The following PSMB7 variants were observed in gnomAD, a reference collection of about 807,000 sequenced individuals.
The protein encoded by PSMB7 is proteasome subunit beta type-7.
Under a neutral mutation model 28.1 loss-of-function variants are expected in PSMB7, and 5 were observed. The observed-to-expected ratio is 0.18, with a 90% confidence interval of 0.09 to 0.37. The LOEUF (loss-of-function observed/expected upper bound fraction) is 0.37, where lower values mean the gene tolerates loss of function less well. Among genes scored for constraint, PSMB7 ranks in the 10% least tolerant of loss-of-function variants. PSMB7 has a pLI of 1.00. For synonymous variants in PSMB7, 122 were observed against 123.7 expected (o/e 0.99, Z 0.09); for missense variants, 275 against 346.2 (o/e 0.79, Z 1.63).
chr9:124,385,467 T>C (rs1251224930), intron 5 of PSMB7, among the ~76,000 whole-genome samples: 1 of 152,212 alleles, frequency 6.6e-6, no homozygotes, highest in Non-Finnish European at 1.5e-5. Context: ...AAAATTTAAA[T>C]TTGCTTTGTT....
chr9:124,360,680 C>A (rs1397437589), intron 6 of PSMB7, among the ~76,000 whole-genome samples: 2 of 152,202 alleles, frequency 1.3e-5, no homozygotes, highest in Admixed American at 6.5e-5. Context: ...GATTAAACAC[C>A]AGCTGGGGAA....
At chr9:124,377,085 T>G (rs879359261) in intron 6 of PSMB7, among the ~76,000 whole-genome samples, 1 of 152,232 alleles carries the variant, frequency 6.6e-6, no homozygotes, top group Admixed American at 6.5e-5. Flanking sequence ...TATGCGATGT[T>G]TGTATCCTAC....
chr9:124,380,180 G>A (rs1448414438), intron 6 of PSMB7, among the ~76,000 whole-genome samples: 1 of 152,204 alleles, frequency 6.6e-6, no homozygotes, highest in Non-Finnish European at 1.5e-5. Flanking sequence ...AGACAAGAAT[G>A]GCCAAAGGGA....
chr9:124,408,238 C>T lies in PSMB7; in HGVS notation c.396-2806G>A, dbSNP rs117792998. Among the ~76,000 whole-genome samples, 255 of 152,212 alleles carry T rather than the reference C, an allele frequency of 1.7e-3. 2 individuals carry two copies. Among genetic ancestry groups the T allele is most frequent in the Middle Eastern group, 3.4e-3 (1 of 294 alleles). Reference sequence around the variant, plus strand: ...GCTGCATTTTCTCCTGCGCTACTGACGGTAGTACAACGTTTGTCAAGGGAG... The same window carrying T: ...GCTGCATTTTCTCCTGCGCTACTGATGGTAGTACAACGTTTGTCAAGGGAG... On this transcript the variant is annotated intron_variant, in intron 4 of 7. Coordinates refer to ENST00000259457, the MANE Select transcript of PSMB7 (RefSeq NM_002799.4).
intron 5 of PSMB7, among the ~76,000 whole-genome samples, chr9:124,400,121 T>C (rs1174367154): frequency 1.3e-5 from 2 of 152,056 alleles, no homozygotes; most frequent in Non-Finnish European, 2.9e-5. Flanking sequence ...CACTCACTGC[T>C]CCTGCCGCAC....
At chr9:124,413,496 T>C (rs1032811602) in intron 3 of PSMB7, among the ~76,000 whole-genome samples, 1 of 152,120 alleles carries the variant, frequency 6.6e-6, no homozygotes, top group Non-Finnish European at 1.5e-5. Flanking sequence ...ATCTATGTTT[T>C]ACAAAATCCA....
chr9:124,358,483 G>C (rs1026694675), intron 6 of PSMB7, among the ~76,000 whole-genome samples: 1 of 152,174 alleles, frequency 6.6e-6, no homozygotes, highest in Non-Finnish European at 1.5e-5. Context: ...AACGGGATCC[G>C]CTAATTAGGA....
At chr9:124,409,965 T>C (rs1176824943) in intron 4 of PSMB7, among the ~76,000 whole-genome samples, 2 of 152,114 alleles carry the variant, frequency 1.3e-5, no homozygotes, top group Non-Finnish European at 2.9e-5. Flanking sequence ...TTACAAAGTA[T>C]CTTGAACTAA....
At chr9:124,400,740 G>C (rs1202955048) in intron 5 of PSMB7, among the ~76,000 whole-genome samples, 1 of 112,320 alleles carries the variant, frequency 8.9e-6, no homozygotes, top group African/African-American at 3.5e-5. Context: ...TCAACTGCTT[G>C]CAACAGAGAA....
chr9:124,413,836 G>A (rs1831056250), intron 3 of PSMB7, 72 bp downstream of exon 3: 3 of 1,058,298 alleles, frequency 2.8e-6, no homozygotes, highest in Non-Finnish European at 4.2e-6. Flanking sequence ...TTAGTAAGGA[G>A]CACAGGAAGG....
At chr9:124,407,425 G>A (rs560675035) in intron 4 of PSMB7, among the ~76,000 whole-genome samples, 62 of 152,316 alleles carry the variant, frequency 4.1e-4, no homozygotes, top group African/African-American at 1.4e-3. Flanking sequence ...CCCCACGTGT[G>A]AGCTAGCAGC....
At chr9:124,396,317 G>A (rs1381040948) in intron 5 of PSMB7, among the ~76,000 whole-genome samples, 2 of 75,852 alleles carry the variant, frequency 2.6e-5, no homozygotes, top group African/African-American at 5.8e-5. Flanking sequence ...ATACAGAAAA[G>A]GTTGTACTTT....
chr9:124,415,196 G>A, intron 1 of PSMB7, 168 bp downstream of exon 1: 1 of 754,598 alleles, frequency 1.3e-6, no homozygotes, highest in Non-Finnish European at 2.1e-6. Context: ...CCCGGCTTCA[G>A]GAGAAACCCA....
chr9:124,405,677 GCCC>G (rs1830955753), intron 4 of PSMB7, among the ~76,000 whole-genome samples: 1 of 151,996 alleles, frequency 6.6e-6, no homozygotes, highest in Non-Finnish European at 1.5e-5. Flanking sequence ...CAGCCTCACA[GCCC>G]CCATTATTAT....
At position 124,398,943 on chromosome 9, in the gene PSMB7, G is replaced by T. The variant is rs555383265; in HGVS notation, c.511+6374C>A. On this transcript the variant is annotated intron_variant, in intron 5 of 7. Coordinates refer to ENST00000259457, the MANE Select transcript of PSMB7 (RefSeq NM_002799.4). ...ACTGAAAATAATGTGCCAGCACCCAGCAGACTCTGGCACAGAGACATTCCC... is the reference window on the plus strand; with the variant it reads ...ACTGAAAATAATGTGCCAGCACCCATCAGACTCTGGCACAGAGACATTCCC... Among the ~76,000 whole-genome samples, 120 of 150,086 alleles carry T rather than the reference G, an allele frequency of 8.0e-4. 1 individual carries two copies. Among genetic ancestry groups the T allele is most frequent in the African/African-American group, 2.9e-3 (118 of 40,684 alleles).
chr9:124,367,872 G>A (rs1030188697), intron 6 of PSMB7, among the ~76,000 whole-genome samples: 1 of 152,116 alleles, frequency 6.6e-6, no homozygotes, highest in African/African-American at 2.4e-5. Flanking sequence ...TCACAAACAC[G>A]ATTACCAAGG....
intron 5 of PSMB7, chr9:124,396,760 C>T (rs1336551565): frequency 4.3e-6 from 2 of 470,554 alleles, no homozygotes; most frequent in Non-Finnish European, 4.4e-6. Context: ...CTTGCCAATG[C>T]TGCTACAAGG....
In PSMB7 at chr9:124,415,411, C is replaced by A; in HGVS notation, c.15G>T (p.Ser5=). 6.2e-7 allele frequency: 1 copy of A among 1,614,088 alleles called. No homozygotes were observed. Among genetic ancestry groups the A allele is most frequent in the African/African-American group, 1.3e-5 (1 of 75,042 alleles). The part of the protein sequence containing the change: MAAV[S]VYAPPVGGFS... ...AGCCTCCAACTGGTGGAGCATACAC[C>A]GACACAGCCGCCATCTTCCCAAGAA... Residue 5 remains serine, a synonymous_variant, in exon 1 of 8, where the codon TCG becomes TCT. Coordinates refer to ENST00000259457, the MANE Select transcript of PSMB7 (RefSeq NM_002799.4).
intron 6 of PSMB7, among the ~76,000 whole-genome samples, chr9:124,368,715 A>C (rs1564677092): frequency 6.6e-6 from 1 of 152,264 alleles, no homozygotes; most frequent in Non-Finnish European, 1.5e-5. Flanking sequence ...ATTTTCTTTG[A>C]AAGTTTCAGG....
Sources: gnomAD v4.1 joint callset for allele counts (sites outside exome capture counted in the v4.1 genomes callset) on GRCh38, gnomAD v4.1.1 for gene constraint, MANE v1.5 for transcripts, NCBI Gene and HGNC (gene_info 2026-07-23, HGNC 2026-07-21) for gene names.